SDK1: variants seen among roughly 807,000 people sequenced by gnomAD.
SDK1 encodes sidekick cell adhesion molecule 1, also known as protein sidekick-1.
In SDK1, 157 loss-of-function variants were observed where a neutral mutation model predicts 245.5. That is an observed-to-expected ratio of 0.64 (90% CI 0.56 to 0.73). The LOEUF is 0.73. Among genes scored for constraint, SDK1 ranks in the 30% least tolerant of loss-of-function variants. The pLI is 0.00. For synonymous variants in SDK1, 1,647 were observed against 1,278.5 expected (o/e 1.29, Z -6.15); for missense variants, 3,583 against 3,002.3 (o/e 1.19, Z -4.52).
chr7:3,961,597 A>G (rs1339885968), intron 8 of SDK1, among the ~76,000 whole-genome samples: 2 of 152,218 alleles, frequency 1.3e-5, no homozygotes, highest in African/African-American at 4.8e-5. Flanking sequence ...CTGTATCCAC[A>G]ATGGAATACC....
chr7:3,563,009 A>C (rs922354543), intron 1 of SDK1, among the ~76,000 whole-genome samples: 2 of 151,094 alleles, frequency 1.3e-5, no homozygotes, highest in Non-Finnish European at 2.9e-5. Flanking sequence ...AAATACATGC[A>C]AGTAACCCAG....
chr7:4,125,544 A>G (rs932673226), intron 25 of SDK1, among the ~76,000 whole-genome samples: 22 of 152,092 alleles, frequency 1.4e-4, no homozygotes, highest in Non-Finnish European at 2.5e-4. Flanking sequence ...TGGATAGATG[A>G]GTGGGTCTAT....
At chr7:3,823,185 T>C (rs951965948) in intron 5 of SDK1, among the ~76,000 whole-genome samples, 14 of 152,122 alleles carry the variant, frequency 9.2e-5, no homozygotes, top group Non-Finnish European at 1.9e-4. Flanking sequence ...ATGAGGATGA[T>C]TTATTAAGAT....
At chr7:3,957,783 T>C (rs1387208391) in intron 7 of SDK1, among the ~76,000 whole-genome samples, 1 of 152,220 alleles carries the variant, frequency 6.6e-6, no homozygotes, top group African/African-American at 2.4e-5. Context: ...AAGGTAGACA[T>C]TAAATGCTGG....
rs189787604 is a variant in SDK1 at position 3,628,410 on chromosome 7, A to G, written c.458+9171A>G. ...AGGCTGGCATATTTTCTTAATACCT[A>G]TGGGGTCAGGACTTCAGTTTGTCCT... is the stretch of plus-strand genomic sequence containing the variant. On this transcript the variant is annotated intron_variant, in intron 2 of 44. Transcript: ENST00000404826. Among the ~76,000 whole-genome samples, 101 of 152,246 alleles carry G rather than the reference A, an allele frequency of 6.6e-4. 2 individuals are homozygous for G. The highest frequency in any genetic ancestry group is 4.4e-3 in the Admixed American group (67 of 15,286).
At chr7:3,602,862 A>G (rs1781294170) in intron 1 of SDK1, among the ~76,000 whole-genome samples, 1 of 152,154 alleles carries the variant, frequency 6.6e-6, no homozygotes, top group African/African-American at 2.4e-5. Flanking sequence ...TATAAGGTGT[A>G]AGGAAGGGAA....
At chr7:3,408,659 G>T (rs748546363) in intron 1 of SDK1, among the ~76,000 whole-genome samples, 2 of 152,074 alleles carry the variant, frequency 1.3e-5, no homozygotes, top group Non-Finnish European at 2.9e-5. Context: ...TTGTATAAAC[G>T]TATCAATTTG....
rs867897414 is a variant in SDK1 at position 3,971,718 on chromosome 7, T to C, written c.1817+150T>C. ...TATCTTCTGGTTGTGGGCACCGTCATTAATCATGCAAATCCCATTTTCCAC... is the reference window on the plus strand; with the variant it reads ...TATCTTCTGGTTGTGGGCACCGTCACTAATCATGCAAATCCCATTTTCCAC... On this transcript the variant is annotated intron_variant, in intron 12 of 44. Coordinates refer to ENST00000404826, the MANE Select transcript of SDK1 (RefSeq NM_152744.4). 1.5e-4 allele frequency: 98 copies of C among 655,364 alleles called. 1 individual carries two copies. The Middle Eastern group carries it at 2.9e-3, about 19-fold the overall frequency. The allele number at this position is 655,364 out of a possible 1,614,324, so 40.6% of individuals were successfully genotyped here.
rs575720684 is a variant in SDK1 at position 4,082,009 on chromosome 7, T to C, written c.3324+2425T>C. Among the ~76,000 whole-genome samples the C allele has an allele frequency of 1.5e-3, 227 of 152,270 alleles. 2 individuals carry two copies. The South Asian group carries it at 0.017, about 11-fold the overall frequency. ...GAAAACCAGACCCCTGCTTGGAGCA[T>C]ATACTGTGTGATTCCATTTATAGAA... is the stretch of plus-strand genomic sequence containing the variant. On this transcript the variant is annotated intron_variant, in intron 22 of 44. Coordinates refer to ENST00000404826, the MANE Select transcript of SDK1 (RefSeq NM_152744.4).
intron 4 of SDK1, among the ~76,000 whole-genome samples, chr7:3,753,626 G>A (rs563386635): frequency 2.0e-5 from 3 of 152,226 alleles, no homozygotes; most frequent in African/African-American, 4.8e-5. Flanking sequence ...CTACAACCAA[G>A]CCACGTTCTC....
At chr7:3,562,787 T>A (rs956284637) in intron 1 of SDK1, among the ~76,000 whole-genome samples, 3 of 152,018 alleles carry the variant, frequency 2.0e-5, no homozygotes, top group Non-Finnish European at 4.4e-5. Flanking sequence ...CACTCACACG[T>A]GAGGATATAA....
intron 1 of SDK1, among the ~76,000 whole-genome samples, chr7:3,374,058 T>C (rs1781293111): frequency 6.6e-6 from 1 of 152,210 alleles, no homozygotes; most frequent in African/African-American, 2.4e-5. Flanking sequence ...GTCATCTCAG[T>C]CCAAATTGTG....
chr7:3,876,966 T>C (rs1172893364), intron 5 of SDK1, among the ~76,000 whole-genome samples: 1 of 152,268 alleles, frequency 6.6e-6, no homozygotes, highest in East Asian at 1.9e-4. Flanking sequence ...GCAAAGACTT[T>C]TATGCTAAGA....
chr7:4,037,432 C>T (rs953639532), intron 17 of SDK1, among the ~76,000 whole-genome samples: 4 of 151,904 alleles, frequency 2.6e-5, no homozygotes, highest in Admixed American at 6.6e-5. Context: ...CAGCTTGGGC[C>T]GCATAGTGAG....
intron 14 of SDK1, among the ~76,000 whole-genome samples, chr7:3,990,211 C>T (rs1308768759): frequency 2.0e-5 from 3 of 152,242 alleles, no homozygotes; most frequent in Admixed American, 1.3e-4. Context: ...GGGTCTTAGG[C>T]TTCTAAGGTT....
chr7:3,632,559 T>A (rs1365753911), intron 2 of SDK1, among the ~76,000 whole-genome samples: 1 of 88,642 alleles, frequency 1.1e-5, no homozygotes, highest in Non-Finnish European at 3.3e-5. Context: ...CCATAGACCC[T>A]CCCACACAGG....
At chr7:3,492,844 T>A (rs1781905206) in intron 1 of SDK1, among the ~76,000 whole-genome samples, 1 of 152,254 alleles carries the variant, frequency 6.6e-6, no homozygotes, top group Non-Finnish European at 1.5e-5. Flanking sequence ...GTTAGTTGAC[T>A]AATGACTAAA....
intron 1 of SDK1, among the ~76,000 whole-genome samples, chr7:3,398,777 T>TC (rs1778803350): frequency 6.6e-6 from 1 of 151,314 alleles, no homozygotes; most frequent in Non-Finnish European, 1.5e-5. Flanking sequence ...AGTTTTTTTT[T>TC]TTTTTTTTCC....
chr7:3,548,136 G>C (rs1240269373), intron 1 of SDK1, among the ~76,000 whole-genome samples: 1 of 152,168 alleles, frequency 6.6e-6, no homozygotes, highest in Non-Finnish European at 1.5e-5. Context: ...AGTATGAATA[G>C]TTGTTGAAAT....
Sources: allele counts gnomAD v4.1 joint callset (sites outside exome capture counted in the v4.1 genomes callset), GRCh38; gene constraint gnomAD v4.1.1; transcripts MANE v1.5; gene names NCBI Gene and HGNC (gene_info 2026-07-23, HGNC 2026-07-21).